Variants in STX18 observed in about 807,000 individuals in gnomAD.
STX18 encodes syntaxin-18.
A neutral mutation model predicts 50.1 loss-of-function variants in STX18; 40 were observed. The ratio of observed to expected loss-of-function variants is 0.80; its 90% CI spans 0.62 to 1.04. The LOEUF (loss-of-function observed/expected upper bound fraction) is 1.04. STX18 is among the 50% of genes least tolerant of loss of function. STX18 has a pLI of 0.00. For synonymous variants in STX18, 158 were observed against 151.8 expected, an observed-to-expected ratio of 1.04 and a Z score of -0.30; for missense variants, 410 against 415.8, an observed-to-expected ratio of 0.99 and a Z score of 0.12.
At chr4:4,488,484 G>A (rs1344279924) in intron 1 of STX18, among the ~76,000 whole-genome samples, 2 of 152,182 alleles carry the variant, frequency 1.3e-5, no homozygotes, top group Middle Eastern at 6.8e-3. Flanking sequence ...GTGCTAGGAC[G>A]ATTAAAAATC....
At position 4,534,361 on chromosome 4, in the gene STX18, T is replaced by C. The variant is rs536592337; in HGVS notation, c.168+7436A>G. ...AACTCTAACCCTGAAAACTCTGTTATTGTAATCTTCTACCATTTAACTTTT... is the reference window on the plus strand; with the variant it reads ...AACTCTAACCCTGAAAACTCTGTTACTGTAATCTTCTACCATTTAACTTTT... On this transcript the variant is annotated intron_variant, in intron 1 of 10. Coordinates refer to ENST00000306200, the MANE Select transcript of STX18 (RefSeq NM_016930.4). Among the ~76,000 whole-genome samples the C allele has an allele frequency of 5.9e-4, 90 of 152,348 alleles. 1 individual carries two copies. The Middle Eastern group carries it at 0.01, about 17-fold the overall frequency.
At chr4:4,482,992 A>G (rs1728535352) in intron 1 of STX18, among the ~76,000 whole-genome samples, 1 of 152,248 alleles carries the variant, frequency 6.6e-6, no homozygotes, top group Non-Finnish European at 1.5e-5. Flanking sequence ...AGAATTCAGC[A>G]TATGTCTTTT....
intron 1 of STX18, among the ~76,000 whole-genome samples, chr4:4,501,299 T>A (rs1237075715): frequency 1.3e-5 from 2 of 152,190 alleles, no homozygotes; most frequent in East Asian, 3.9e-4. Context: ...TGCGACATGG[T>A]TCCTCATTCT....
intron 1 of STX18, among the ~76,000 whole-genome samples, chr4:4,532,145 G>A (rs904131325): frequency 6.6e-6 from 1 of 152,180 alleles, no homozygotes; most frequent in African/African-American, 2.4e-5. Context: ...GAAGAGGGGA[G>A]GGCATATGGA....
At chr4:4,433,116 G>A (rs1725598518) in intron 7 of STX18, among the ~76,000 whole-genome samples, 1 of 152,146 alleles carries the variant, frequency 6.6e-6, no homozygotes, top group Non-Finnish European at 1.5e-5. Context: ...CGTTGGGTAG[G>A]GCTTTAGTTT....
intron 5 of STX18, among the ~76,000 whole-genome samples, chr4:4,453,115 A>C (rs1029251015): frequency 1.3e-5 from 2 of 152,208 alleles, no homozygotes; most frequent in African/African-American, 4.8e-5. Context: ...GACTGTGAAC[A>C]TTGTTGAAAT....
At chr4:4,448,671 C>A (rs1373769181) in intron 5 of STX18, among the ~76,000 whole-genome samples, 3 of 152,278 alleles carry the variant, frequency 2.0e-5, no homozygotes, top group South Asian at 2.1e-4. Context: ...AAGTTTTCTT[C>A]ATCTGCAACA....
At chr4:4,484,057 T>C (rs185508406) in intron 1 of STX18, among the ~76,000 whole-genome samples, 1,835 of 152,176 alleles carry the variant, frequency 0.012, 19 homozygotes, top group Non-Finnish European at 0.02. Context: ...AGAGATGGGG[T>C]TTCACCATGT....
chr4:4,477,140 G>A (rs758238735), intron 1 of STX18, among the ~76,000 whole-genome samples: 5 of 152,184 alleles, frequency 3.3e-5, no homozygotes, highest in Non-Finnish European at 2.9e-5. Flanking sequence ...CTACTCGGGA[G>A]GCTGAGGCAG....
At chr4:4,526,901 G>C (rs1194491730) in intron 1 of STX18, among the ~76,000 whole-genome samples, 4 of 152,178 alleles carry the variant, frequency 2.6e-5, no homozygotes, top group Non-Finnish European at 5.9e-5. Context: ...TTTGACATAA[G>C]TGAGATATAT....
intron 1 of STX18, among the ~76,000 whole-genome samples, chr4:4,522,990 C>T (rs1730582851): frequency 6.6e-6 from 1 of 152,208 alleles, no homozygotes; most frequent in African/African-American, 2.4e-5. Context: ...TTCTATAGCA[C>T]TTCTTATGTG....
chr4:4,460,343 T>C (rs1202579319), intron 2 of STX18, among the ~76,000 whole-genome samples: 1 of 152,198 alleles, frequency 6.6e-6, no homozygotes, highest in Non-Finnish European at 1.5e-5. Context: ...ATATGCTTGA[T>C]ACACAGCTAC....
intron 1 of STX18, among the ~76,000 whole-genome samples, chr4:4,532,057 A>G (rs552167757): frequency 6.6e-6 from 1 of 152,344 alleles, no homozygotes; most frequent in East Asian, 1.9e-4. Flanking sequence ...TAAGAGCAAT[A>G]CATACTGATA....
At chr4:4,515,264 C>T (rs1400727748) in intron 1 of STX18, among the ~76,000 whole-genome samples, 4 of 151,938 alleles carry the variant, frequency 2.6e-5, no homozygotes, top group Non-Finnish European at 5.9e-5. Context: ...TAATAAATAC[C>T]TCAAAACATT....
chr4:4,500,580 T>G (rs1729403294), intron 1 of STX18, among the ~76,000 whole-genome samples: 1 of 152,204 alleles, frequency 6.6e-6, no homozygotes, highest in Admixed American at 6.5e-5. Flanking sequence ...ACCAATCCCC[T>G]GAGGATACCA....
intron 1 of STX18, among the ~76,000 whole-genome samples, chr4:4,538,304 A>G (rs180866147): frequency 1.3e-5 from 2 of 152,294 alleles, no homozygotes; most frequent in African/African-American, 4.8e-5. Flanking sequence ...CACAAGGAAG[A>G]AAAGAAAGTA....
At chr4:4,531,911 C>T (rs192978802) in intron 1 of STX18, among the ~76,000 whole-genome samples, 1 of 152,080 alleles carries the variant, frequency 6.6e-6, no homozygotes. Flanking sequence ...AAATTTGAAA[C>T]AAATTTGGTA....
intron 2 of STX18, among the ~76,000 whole-genome samples, chr4:4,467,292 G>A (rs1560178474): frequency 6.6e-6 from 1 of 152,126 alleles, no homozygotes; most frequent in East Asian, 1.9e-4. Flanking sequence ...TATCACATTT[G>A]TTTCAAAGTT....
At chr4:4,471,468 T>C (rs1727914871) in intron 2 of STX18, among the ~76,000 whole-genome samples, 171 bp downstream of exon 2, 1 of 152,210 alleles carries the variant, frequency 6.6e-6, no homozygotes, top group African/African-American at 2.4e-5. Context: ...TTTGAGGACA[T>C]GGAGTACAGC....
Sources: allele counts gnomAD v4.1 joint callset (sites outside exome capture counted in the v4.1 genomes callset), GRCh38; gene constraint gnomAD v4.1.1; transcripts MANE v1.5; gene names NCBI Gene and HGNC (gene_info 2026-07-23, HGNC 2026-07-21).